ROBO2: variants seen among roughly 807,000 people sequenced by gnomAD.
ROBO2 encodes the protein roundabout homolog 2.
In ROBO2, 53 loss-of-function variants were observed where a neutral mutation model predicts 160.8. The ratio of observed to expected loss-of-function variants is 0.33; its 90% confidence interval spans 0.26 to 0.41. The LOEUF (loss-of-function observed/expected upper bound fraction) is 0.41. ROBO2 is among the 10% of genes least tolerant of loss of function. ROBO2 has a pLI of 1.00. For missense variants in ROBO2, 1,577 were observed against 1,722.4 expected (o/e 0.92, Z 1.49); for synonymous variants, 664 against 611.7 (o/e 1.09, Z -1.26).
intron 6 of ROBO2, among the ~76,000 whole-genome samples, chr3:77,534,195 C>T (rs1696963278): frequency 6.6e-6 from 1 of 151,900 alleles, no homozygotes; most frequent in African/African-American, 2.4e-5. Context: ...TCTTATTATT[C>T]ATTTCTTTTG....
chr3:76,340,302 A>G (rs545424548), intron 2 of ROBO2, among the ~76,000 whole-genome samples: 2 of 152,172 alleles, frequency 1.3e-5, no homozygotes, highest in Non-Finnish European at 2.9e-5. Context: ...AGTCAATTTC[A>G]TTTATCTTCC....
intron 2 of ROBO2, among the ~76,000 whole-genome samples, chr3:76,746,131 A>C (rs552907054): frequency 2.6e-4 from 40 of 151,620 alleles, no homozygotes; most frequent in Admixed American, 2.4e-3. Flanking sequence ...ATGATTTCCA[A>C]TTTCATCCAT....
intron 9 of ROBO2, among the ~76,000 whole-genome samples, chr3:77,562,058 G>A (rs2093338404): frequency 1.3e-5 from 2 of 151,930 alleles, no homozygotes; most frequent in African/African-American, 2.4e-5. Context: ...AGCTGAGATC[G>A]AGCCATTGCA....
intron 2 of ROBO2, among the ~76,000 whole-genome samples, chr3:76,851,507 G>A (rs1013439512): frequency 6.6e-6 from 1 of 150,864 alleles, no homozygotes; most frequent in Non-Finnish European, 1.5e-5. Context: ...AGGCCGAGGC[G>A]GGTGGATCAT....
At chr3:76,435,347 T>C in intron 2 of ROBO2, 1 of 805,820 alleles carries the variant, frequency 1.2e-6, no homozygotes, top group East Asian at 2.4e-5. Context: ...GTGACTTTAA[T>C]GAATTCCCAG....
chr3:77,090,898 T>C (rs908827905), intron 1 of ROBO2, among the ~76,000 whole-genome samples: 2 of 152,114 alleles, frequency 1.3e-5, no homozygotes, highest in African/African-American at 4.8e-5. Flanking sequence ...ATTTATATCG[T>C]TTTGGGGAAC....
At chr3:76,446,848 T>C (rs964653567) in intron 2 of ROBO2, among the ~76,000 whole-genome samples, 7 of 152,216 alleles carry the variant, frequency 4.6e-5, no homozygotes, top group African/African-American at 1.7e-4. Flanking sequence ...ATGTAGAAAG[T>C]TGAAACTGGA....
intron 9 of ROBO2, among the ~76,000 whole-genome samples, chr3:77,558,800 C>T (rs563957591): frequency 6.6e-6 from 1 of 152,144 alleles, no homozygotes; most frequent in East Asian, 1.9e-4. Context: ...TATCAGTTAT[C>T]TATTATTATG....
At chr3:76,038,451 G>T (rs1195526904) in intron 2 of ROBO2, among the ~76,000 whole-genome samples, 1 of 151,944 alleles carries the variant, frequency 6.6e-6, no homozygotes, top group East Asian at 1.9e-4. Flanking sequence ...TATGATGGGT[G>T]CTGTGATTAC....
chr3:77,517,612 C>G lies in ROBO2; in HGVS notation c.807-5163C>G, dbSNP rs548365016. 5.3e-5 allele frequency among the ~76,000 whole-genome samples: 8 copies of G among 151,568 alleles called. No individual in the cohort carries two copies. In the East Asian group the frequency reaches 1.4e-3, roughly 26 times the overall value. On this transcript the variant is annotated intron_variant, in intron 5 of 25. Transcript: ENST00000461745. ...AAAATAACTGCTGTTACAGTCGTCC[C>G]TTCTGATTTGCAGTTTTGTACTTTC...
chr3:76,426,257 T>A (rs780095015), intron 2 of ROBO2, among the ~76,000 whole-genome samples: 2 of 152,120 alleles, frequency 1.3e-5, no homozygotes, highest in African/African-American at 4.8e-5. Context: ...TATCCTGGAG[T>A]ACAGCACCTC....
intron 2 of ROBO2, among the ~76,000 whole-genome samples, chr3:76,558,185 C>T (rs1448035558): frequency 6.6e-6 from 1 of 151,952 alleles, no homozygotes; most frequent in Non-Finnish European, 1.5e-5. Context: ...ATTCATATTC[C>T]CGTGTGAACT....
intron 2 of ROBO2, among the ~76,000 whole-genome samples, chr3:76,322,397 A>G (rs905924110): frequency 1.9e-4 from 29 of 151,828 alleles, no homozygotes; most frequent in African/African-American, 6.8e-4. Flanking sequence ...TTTCATAGAG[A>G]TATAAATGTG....
intron 2 of ROBO2, among the ~76,000 whole-genome samples, chr3:76,800,024 C>T (rs1282055198): frequency 6.6e-6 from 1 of 152,122 alleles, no homozygotes; most frequent in East Asian, 1.9e-4. Flanking sequence ...AAAACAGACA[C>T]AAAGACCAAC....
intron 4 of ROBO2, among the ~76,000 whole-genome samples, chr3:77,481,555 A>G (rs1406617713): frequency 6.6e-6 from 1 of 152,210 alleles, no homozygotes; most frequent in African/African-American, 2.4e-5. Context: ...TCAGGTAGCT[A>G]TTATGTGCAA....
chr3:77,586,559 A>G (rs1003524902), intron 16 of ROBO2, among the ~76,000 whole-genome samples: 3 of 152,064 alleles, frequency 2.0e-5, no homozygotes, highest in Admixed American at 2.0e-4. Flanking sequence ...TCTATGCTCT[A>G]ATTAGTCCAA....
intron 2 of ROBO2, among the ~76,000 whole-genome samples, chr3:77,174,115 C>T (rs1188250101): frequency 6.6e-6 from 1 of 152,078 alleles, no homozygotes; most frequent in South Asian, 2.1e-4. Flanking sequence ...GAGTACAATT[C>T]TATCCCCCAG....
intron 2 of ROBO2, among the ~76,000 whole-genome samples, chr3:76,605,156 G>A (rs2087545113): frequency 6.6e-6 from 1 of 152,076 alleles, no homozygotes; most frequent in African/African-American, 2.4e-5. Flanking sequence ...GAATGGCTAT[G>A]CTAAACATTT....
chr3:76,948,908 ATTTTTTTTTT>A (rs1157110855), intron 2 of ROBO2, among the ~76,000 whole-genome samples: 3 of 24,970 alleles, frequency 1.2e-4, no homozygotes, highest in African/African-American at 5.5e-4. Context: ...ATATATATAT[ATTTTTTTTTT>A]TTTTTTTTTT....
Sources: gnomAD v4.1 joint callset for allele counts (sites outside exome capture counted in the v4.1 genomes callset) on GRCh38, gnomAD v4.1.1 for gene constraint, MANE v1.5 for transcripts, NCBI Gene and HGNC (gene_info 2026-07-23, HGNC 2026-07-21) for gene names.